Variants in PALM2AKAP2 observed in about 807,000 individuals in gnomAD.
The protein encoded by PALM2AKAP2 is PALM2-AKAP2 fusion protein.
PALM2AKAP2 carries 37 observed loss-of-function variants against 71.5 expected under a neutral mutation model. The ratio of observed to expected loss-of-function variants is 0.52; its 90% CI spans 0.40 to 0.68. The LOEUF (loss-of-function observed/expected upper bound fraction) is 0.68. Among genes scored for constraint, PALM2AKAP2 ranks in the 30% least tolerant of loss-of-function variants. The pLI is 0.00. For missense variants in PALM2AKAP2, 1,224 were observed against 1,191.8 expected (o/e 1.03, Z -0.40); for synonymous variants, 468 against 478.8 (o/e 0.98, Z 0.29).
intron 1 of PALM2AKAP2, among the ~76,000 whole-genome samples, chr9:109,783,904 G>A (rs138539116): frequency 1.3e-5 from 2 of 152,274 alleles, no homozygotes; most frequent in African/African-American, 2.4e-5. Context: ...TGGAATATCC[G>A]CCCCCACCAA....
At position 110,011,013 on chromosome 9, in the gene PALM2AKAP2, AAAT is replaced by A. The variant is rs200898404; in HGVS notation, c.497-4939_497-4937del. ...CTCTGTCTCAAAAAAAAAAAAAAAA[AAAT>A]ATATATATATATATATATATACTTT... On this transcript the variant is annotated intron_variant, in intron 6 of 9. Coordinates refer to the PALM2AKAP2 transcript ENST00000302798. Among the ~76,000 whole-genome samples, 6 of 106,830 alleles carry A rather than the reference AAAT, an allele frequency of 5.6e-5. No individual in the cohort carries two copies. The East Asian group carries it at 1.2e-3, about 21-fold the overall frequency. The allele number at this position is 106,830 out of a possible 152,430, so 70.1% of individuals were successfully genotyped here.
At chr9:110,103,501 G>T (rs1835048189) in intron 1 of PALM2AKAP2, among the ~76,000 whole-genome samples, 2 of 152,148 alleles carry the variant, frequency 1.3e-5, no homozygotes, top group Non-Finnish European at 2.9e-5. Flanking sequence ...ACACTTTTAG[G>T]CCATTCTTAG....
intron 1 of PALM2AKAP2, among the ~76,000 whole-genome samples, chr9:109,839,819 A>G (rs911333989): frequency 2.6e-5 from 4 of 152,312 alleles, no homozygotes; most frequent in African/African-American, 9.6e-5. Context: ...GATGTGAAGG[A>G]CCTCTTCAAG....
At chr9:110,054,082 A>G (rs1833777725) in intron 1 of PALM2AKAP2, among the ~76,000 whole-genome samples, 1 of 152,224 alleles carries the variant, frequency 6.6e-6, no homozygotes, top group African/African-American at 2.4e-5. Flanking sequence ...CATAAACAAA[A>G]TCTTAGTTCA....
intron 1 of PALM2AKAP2, among the ~76,000 whole-genome samples, chr9:109,802,904 C>T (rs1353926159): frequency 6.6e-6 from 1 of 152,210 alleles, no homozygotes; most frequent in East Asian, 1.9e-4. Flanking sequence ...AAGCAGGTAT[C>T]TCAGTGCAGA....
intron 3 of PALM2AKAP2, 142 bp downstream of exon 10, chr9:110,162,274 T>A: frequency 7.7e-7 from 1 of 1,299,798 alleles, no homozygotes; most frequent in Non-Finnish European, 1.1e-6. Context: ...GTGCCTGTTC[T>A]GAAATATGGG....
Position 110,035,094 on chromosome 9 carries a change from C to T in PALM2AKAP2, c.582+19055C>T, listed in dbSNP as rs962008600. Among the ~76,000 whole-genome samples the T allele has an allele frequency of 3.3e-5, 5 of 150,198 alleles. No individual in the cohort carries two copies. The South Asian group carries it at 1.0e-3, about 31-fold the overall frequency. On this transcript the variant is annotated intron_variant, in intron 7 of 9. Coordinates refer to the PALM2AKAP2 transcript ENST00000302798. ...TGAAATACTAAGTTCTTGGAATCAACTTACGGGAAAATCTAGTATGTTTAG... is the reference window on the plus strand; with the variant it reads ...TGAAATACTAAGTTCTTGGAATCAATTTACGGGAAAATCTAGTATGTTTAG...
intron 3 of PALM2AKAP2, among the ~76,000 whole-genome samples, chr9:109,902,489 A>T (rs1830351894): frequency 6.6e-6 from 1 of 152,268 alleles, no homozygotes; most frequent in African/African-American, 2.4e-5. Context: ...GAAAGGCCAT[A>T]CAGTGAGCCA....
At chr9:109,651,137 C>G (rs1489169652) in intron 1 of PALM2AKAP2, among the ~76,000 whole-genome samples, 1 of 152,124 alleles carries the variant, frequency 6.6e-6, no homozygotes, top group Non-Finnish European at 1.5e-5. Context: ...CAGCTTGCCT[C>G]TCTTACTCTT....
chr9:109,750,813 G>T (rs942661698), intron 1 of PALM2AKAP2, among the ~76,000 whole-genome samples: 4 of 152,164 alleles, frequency 2.6e-5, no homozygotes, highest in Non-Finnish European at 5.9e-5. Flanking sequence ...GTAAGATATA[G>T]TATGGTCCAA....
At chr9:110,097,646 G>A (rs1338384819) in intron 1 of PALM2AKAP2, among the ~76,000 whole-genome samples, 19 of 147,162 alleles carry the variant, frequency 1.3e-4, no homozygotes, top group African/African-American at 3.7e-4. Context: ...ATGGGATGGC[G>A]GCTGGGCAGA....
intron 1 of PALM2AKAP2, among the ~76,000 whole-genome samples, chr9:109,741,308 G>C (rs765400594): frequency 1.3e-5 from 2 of 152,082 alleles, no homozygotes; most frequent in Non-Finnish European, 2.9e-5. Context: ...TTCATTGCTG[G>C]GTAGTACTCC....
At chr9:109,928,122 G>A (rs896614810) in intron 5 of PALM2AKAP2, among the ~76,000 whole-genome samples, 2 of 152,154 alleles carry the variant, frequency 1.3e-5, no homozygotes, top group African/African-American at 4.8e-5. Context: ...TTTATTTTGA[G>A]ATGGAGTTTC....
In PALM2AKAP2 at chr9:110,106,989, G is replaced by A. The variant is rs7858461; in HGVS notation, c.157-29138G>A. On this transcript the variant is annotated intron_variant, in intron 1 of 3. Transcript: ENST00000374525. ...TGGAAGATAAGTCATCAATTAGCCCGATGGAAGGTTAAGCTGAAAACAGAC... is the reference window on the plus strand; with the variant it reads ...TGGAAGATAAGTCATCAATTAGCCCAATGGAAGGTTAAGCTGAAAACAGAC... Among the ~76,000 whole-genome samples the A allele has an allele frequency of 8.6e-3, 1,314 of 152,242 alleles. 21 individuals are homozygous for A. Among genetic ancestry groups the A allele is most frequent in the African/African-American group, 0.03 (1,243 of 41,524 alleles).
chr9:110,153,930 G>T (rs1319000027), intron 2 of PALM2AKAP2, among the ~76,000 whole-genome samples: 1 of 152,234 alleles, frequency 6.6e-6, no homozygotes, highest in Non-Finnish European at 1.5e-5. Flanking sequence ...AATATAGGCT[G>T]TGCTTTCTAG....
At chr9:109,768,662 G>A (rs1057132727) in intron 1 of PALM2AKAP2, among the ~76,000 whole-genome samples, 4 of 152,204 alleles carry the variant, frequency 2.6e-5, no homozygotes, top group Non-Finnish European at 5.9e-5. Flanking sequence ...CCACTTAGAA[G>A]CTGTGTGACT....
At chr9:110,084,863 G>A (rs1834530087) in intron 1 of PALM2AKAP2, among the ~76,000 whole-genome samples, 1 of 151,918 alleles carries the variant, frequency 6.6e-6, no homozygotes, top group Non-Finnish European at 1.5e-5. Flanking sequence ...AACCTCCCGA[G>A]TAGCTGGGAC....
chr9:110,015,593 T>G (rs753925474), intron 6 of PALM2AKAP2, among the ~76,000 whole-genome samples: 1 of 151,472 alleles, frequency 6.6e-6, no homozygotes, highest in Non-Finnish European at 1.5e-5. Flanking sequence ...GCAACAAGAG[T>G]GCAACTTGGT....
chr9:110,074,922 G>T (rs1834286752), intron 1 of PALM2AKAP2, among the ~76,000 whole-genome samples: 1 of 151,966 alleles, frequency 6.6e-6, no homozygotes, highest in African/African-American at 2.4e-5. Flanking sequence ...AGAATCTCTT[G>T]AACCCAGGAG....
Sources: gnomAD v4.1 joint callset for allele counts (sites outside exome capture counted in the v4.1 genomes callset) on GRCh38, gnomAD v4.1.1 for gene constraint, MANE v1.5 for transcripts, NCBI Gene and HGNC (gene_info 2026-07-23, HGNC 2026-07-21) for gene names.